NPLOC4: variants seen among roughly 807,000 people sequenced by gnomAD.
NPLOC4 encodes NPL4 homolog, ubiquitin recognition factor.
In NPLOC4, 18 loss-of-function variants were observed where a neutral mutation model predicts 80.6. The ratio of observed to expected loss-of-function variants is 0.22; its 90% CI spans 0.15 to 0.33. The LOEUF is 0.33. Ranked by LOEUF, NPLOC4 falls within the 10% of genes least tolerant of loss-of-function variation. The probability of loss-of-function intolerance (pLI) is 1.00; values close to 1 mark genes in which losing one functional copy is unlikely to be tolerated. For missense variants in NPLOC4, 540 were observed against 786.1 expected, an observed-to-expected ratio of 0.69 and a Z score of 3.74; for synonymous variants, 313 against 301.5, an observed-to-expected ratio of 1.04 and a Z score of -0.39.
chr17:81,597,368 T>C lies in NPLOC4; in HGVS notation c.922-52A>G, dbSNP rs147335686. 3,110 of 1,438,066 alleles carry C rather than the reference T, an allele frequency of 2.2e-3. 3 individuals are homozygous for C. The highest frequency in any genetic ancestry group is 2.7e-3 in the Non-Finnish European group (2,764 of 1,020,636). 89.1% of individuals were successfully genotyped at this position (1,438,066 alleles called of 1,614,324 possible). A position where few individuals can be genotyped will look rare whatever the true frequency, so the allele number is the denominator to read the frequency against. ...ACATCTCCTCAAGATAGACGATGAA[T>C]GGCTGGGCGCAGTGACTCACGCCTA... On this transcript the variant is annotated intron_variant, in intron 9 of 16. Transcript: ENST00000331134.
chr17:81,574,826 C>A (rs1279757678), intron 12 of NPLOC4, among the ~76,000 whole-genome samples: 1 of 152,052 alleles, frequency 6.6e-6, no homozygotes, highest in Non-Finnish European at 1.5e-5. Flanking sequence ...CCAGACTGGA[C>A]AACGTGGTGA....
chr17:81,602,430 C>T (rs369826429), intron 8 of NPLOC4, among the ~76,000 whole-genome samples: 2 of 152,004 alleles, frequency 1.3e-5, no homozygotes, highest in East Asian at 3.9e-4. Context: ...TCAGGCCGGG[C>T]GCAGTGGCTC....
Position 81,604,685 on chromosome 17 carries a change from C to T in NPLOC4, c.697G>A (p.Val233Ile), listed in dbSNP as rs368226050. Reference protein sequence around the residue: ...VDNIMFENHTVADRFLDFWRK... With the variant: ...VDNIMFENHTIADRFLDFWRK... ...CAGAAGTCAAGAAAGCGGTCAGCGA[C>T]GGTGTGATTCTCAAACATGATATTG... Residue 233 changes from valine (V) to isoleucine (I), a missense_variant, in exon 8 of 17, where the codon GTC (valine) becomes ATC (isoleucine). By Grantham distance (29) the Val-to-Ile change is conservative. Transcript: ENST00000331134. 55 of 1,613,598 alleles carry T rather than the reference C, an allele frequency of 3.4e-5. No homozygotes were observed. The highest frequency in any genetic ancestry group is 3.7e-5 in the Non-Finnish European group (44 of 1,179,780).
intron 3 of NPLOC4, among the ~76,000 whole-genome samples, chr17:81,621,790 T>C (rs2035674995): frequency 6.6e-6 from 1 of 152,140 alleles, no homozygotes; most frequent in Admixed American, 6.6e-5. Context: ...GCCACTGCAG[T>C]GGCAGCACTC....
chr17:81,602,230 AAAACAAAC>A (rs577217580), intron 8 of NPLOC4, among the ~76,000 whole-genome samples: 8 of 152,118 alleles, frequency 5.3e-5, no homozygotes, highest in Non-Finnish European at 1.2e-4. Flanking sequence ...AAAACAAAAC[AAAACAAAC>A]AAACAAACAA....
At chr17:81,560,375 T>C (rs1268636755) in intron 16 of NPLOC4, among the ~76,000 whole-genome samples, 1 of 150,508 alleles carries the variant, frequency 6.6e-6, no homozygotes, top group Non-Finnish European at 1.5e-5. Context: ...ACCCTGCCTC[T>C]TCACTCCAGC....
chr17:81,618,308 C>T (rs1371921239), intron 3 of NPLOC4, among the ~76,000 whole-genome samples: 12 of 151,192 alleles, frequency 7.9e-5, no homozygotes, highest in African/African-American at 2.7e-4. Flanking sequence ...TCTGCCCCGC[C>T]GCCCCGTCTG....
intron 16 of NPLOC4, chr17:81,562,731 G>A (rs1467372250): frequency 6.6e-6 from 1 of 151,952 alleles, no homozygotes; most frequent in Non-Finnish European, 1.5e-5. Flanking sequence ...TTGGGCCCAA[G>A]AGTTCAAGAC....
At chr17:81,619,878 CA>C (rs1216157250) in intron 3 of NPLOC4, among the ~76,000 whole-genome samples, 1,198 of 118,796 alleles carry the variant, frequency 0.01, 3 homozygotes, top group Middle Eastern at 0.05. Flanking sequence ...GACTCCGTCT[CA>C]AAAAAAAAAA....
intron 1 of NPLOC4, 150 bp downstream of exon 1, chr17:81,636,766 G>T: frequency 1.2e-6 from 1 of 859,880 alleles, no homozygotes. Flanking sequence ...GTCCCCGAGA[G>T]GGGCCCAGCC....
chr17:81,578,111 G>A (rs1408357983), intron 12 of NPLOC4, among the ~76,000 whole-genome samples: 1 of 152,140 alleles, frequency 6.6e-6, no homozygotes, highest in Non-Finnish European at 1.5e-5. Context: ...TGTTGCAAAA[G>A]CTTCCCGCCT....
At chr17:81,626,461 GC>G (rs1164535899) in intron 2 of NPLOC4, among the ~76,000 whole-genome samples, 3 of 152,152 alleles carry the variant, frequency 2.0e-5, no homozygotes, top group African/African-American at 7.2e-5. Flanking sequence ...GAACACCACT[GC>G]AAGGCACACC....
chr17:81,622,957 G>T (rs563786166), intron 2 of NPLOC4, among the ~76,000 whole-genome samples: 7 of 152,168 alleles, frequency 4.6e-5, no homozygotes, highest in African/African-American at 1.4e-4. Context: ...CACTTTGGGA[G>T]GATGAGGTGG....
rs947385149 is a variant in NPLOC4, at chr17:81,590,406, G to A, written c.1121-1302C>T. Among the ~76,000 whole-genome samples, 10 of 152,364 alleles carry A rather than the reference G, an allele frequency of 6.6e-5. No homozygotes were observed. The South Asian group carries it at 1.2e-3, about 19-fold the overall frequency. Reference sequence around the variant, plus strand: ...CTGGGCAGATGATGCCATGGGGGCAGCCTGAGCCTTTGGAGGAGGCAGGCA... The same window carrying A: ...CTGGGCAGATGATGCCATGGGGGCAACCTGAGCCTTTGGAGGAGGCAGGCA... On this transcript the variant is annotated intron_variant, in intron 11 of 16. Transcript: ENST00000331134.
chr17:81,632,587 T>G (rs2035961243), intron 1 of NPLOC4, among the ~76,000 whole-genome samples: 1 of 152,182 alleles, frequency 6.6e-6, no homozygotes, highest in Admixed American at 6.6e-5. Context: ...GTGCTGGGAT[T>G]ACAGGTGTGC....
At chr17:81,602,579 G>A (rs1339093616) in intron 8 of NPLOC4, among the ~76,000 whole-genome samples, 5 of 151,878 alleles carry the variant, frequency 3.3e-5, no homozygotes, top group African/African-American at 4.8e-5. Context: ...GGCGGCACCT[G>A]TAATCCCCGC....
intron 2 of NPLOC4, among the ~76,000 whole-genome samples, chr17:81,629,191 A>AC (rs2035871533): frequency 9.4e-6 from 1 of 105,968 alleles, no homozygotes; most frequent in South Asian, 3.3e-4. Context: ...CTTATGAAAT[A>AC]CTTTTTTTTT....
At chr17:81,604,491 C>A in intron 8 of NPLOC4, 57 bp downstream of exon 8, 2 of 1,524,862 alleles carry the variant, frequency 1.3e-6, no homozygotes, top group Admixed American at 2.0e-5. Flanking sequence ...TCCGAAAGGG[C>A]GTCCCCCACA....
chr17:81,621,445 G>A (rs566268478), intron 3 of NPLOC4, among the ~76,000 whole-genome samples: 16 of 152,304 alleles, frequency 1.1e-4, no homozygotes, highest in Admixed American at 1.3e-4. Flanking sequence ...CTGAGCCAGT[G>A]GCCACAGCAC....
Sources: allele counts gnomAD v4.1 joint callset (sites outside exome capture counted in the v4.1 genomes callset), GRCh38; gene constraint gnomAD v4.1.1; transcripts MANE v1.5; gene names NCBI Gene and HGNC (gene_info 2026-07-23, HGNC 2026-07-21).